ENOSF1: variants seen among roughly 807,000 people sequenced by gnomAD.
The protein encoded by ENOSF1 is mitochondrial enolase superfamily member 1.
A neutral mutation model predicts 68.2 loss-of-function variants in ENOSF1; 73 were observed. The observed-to-expected ratio is 1.07, with a 90% confidence interval of 0.89 to 1.30. The LOEUF (loss-of-function observed/expected upper bound fraction) is 1.30, where lower values mean the gene tolerates loss of function less well. Ranked by LOEUF, ENOSF1 falls within the 50% of genes most tolerant of loss-of-function variation. The pLI, the probability that ENOSF1 is intolerant of heterozygous loss-of-function variation, is 0.00. For missense variants in ENOSF1, 589 were observed against 554.5 expected, an observed-to-expected ratio of 1.06 and a Z score of -0.62; for synonymous variants, 223 against 210.4, an observed-to-expected ratio of 1.06 and a Z score of -0.52.
intron 3 of ENOSF1, among the ~76,000 whole-genome samples, chr18:695,046 A>G (rs911696737): frequency 6.6e-6 from 1 of 152,236 alleles, no homozygotes; most frequent in Non-Finnish European, 1.5e-5. Flanking sequence ...AGGCCAGTCC[A>G]TAATCAAATG....
At chr18:680,550 C>T (rs964458063) in intron 11 of ENOSF1, among the ~76,000 whole-genome samples, 2 of 152,088 alleles carry the variant, frequency 1.3e-5, no homozygotes, top group African/African-American at 2.4e-5. Context: ...AAAGCCTCCT[C>T]GCTCCCATCC....
At chr18:710,031 TTAGA>T (rs1468809035) in intron 1 of ENOSF1, among the ~76,000 whole-genome samples, 1 of 152,186 alleles carries the variant, frequency 6.6e-6, no homozygotes, top group Non-Finnish European at 1.5e-5. Context: ...AATACAGGTG[TTAGA>T]TAATGTCTCC....
Position 712,589 on chromosome 18 carries a change from G to T in ENOSF1, c.-2C>A. 7.0e-7 allele frequency: 1 copy of T among 1,435,884 alleles called. No homozygotes were observed. The highest frequency in any genetic ancestry group is 9.2e-7 in the Non-Finnish European group (1 of 1,085,622). The allele number at this position is 1,435,884 out of a possible 1,614,324, so 88.9% of individuals were successfully genotyped here. The stretch of plus-strand genomic sequence containing the variant: ...CCGGGAGATCCTGCCGCGCACCATG[G>T]CCCCTGCGCCCCGTGGCCGCGGCCC... On this transcript the variant is annotated 5_prime_UTR_variant, in exon 1 of 16. Coordinates refer to ENST00000647584, the MANE Select transcript of ENOSF1 (RefSeq NM_017512.7).
rs771017553 is a variant in ENOSF1, at chr18:697,233, C to G, written c.309+7G>C. 2.5e-6 allele frequency: 4 copies of G among 1,603,730 alleles called. No individual in the cohort carries two copies. The highest frequency in any genetic ancestry group is 2.6e-6 in the Non-Finnish European group (3 of 1,170,676). ...TATGTAAGCATTTTACAAAATAGGT[C>G]CCTTACCCATCTGAGCTGCCCATCA... On this transcript the variant is annotated splice_region_variant and intron_variant, in intron 3 of 15. Coordinates refer to ENST00000647584, the MANE Select transcript of ENOSF1 (RefSeq NM_017512.7).
intron 3 of ENOSF1, among the ~76,000 whole-genome samples, chr18:696,164 T>G (rs961361908): frequency 2.0e-5 from 3 of 151,860 alleles, no homozygotes; most frequent in African/African-American, 7.3e-5. Context: ...TGCTCTTCTC[T>G]TAATGTTTTC....
chr18:684,570 C>G (rs115746829), intron 10 of ENOSF1, among the ~76,000 whole-genome samples: 3 of 151,952 alleles, frequency 2.0e-5, no homozygotes, highest in Non-Finnish European at 4.4e-5. Flanking sequence ...TTCATATTAA[C>G]CCATTTTACA....
chr18:675,380 G>A lies in ENOSF1; in HGVS notation c.1171C>T (p.Leu391=), dbSNP rs546527751. 6.2e-7 allele frequency: 1 copy of A among 1,613,124 alleles called. No homozygotes were observed. The highest frequency in any genetic ancestry group is 1.7e-5 in the Admixed American group (1 of 59,870). ...ENRVCEYVDH[L]HEHFKYPVMI... is the part of the protein sequence containing the mutation. ...ACGGGATACTTGAAATGCTCATGCA[G>A]GTGGTCAACATACTCACACACCCTA... Residue 391 remains leucine (L), a synonymous_variant, in exon 15 of 16, where the codon CTG becomes TTG. Transcript: ENST00000647584.
At chr18:675,932 G>A (rs1043277159) in intron 14 of ENOSF1, among the ~76,000 whole-genome samples, 1 of 152,016 alleles carries the variant, frequency 6.6e-6, no homozygotes, top group East Asian at 1.9e-4. Flanking sequence ...AAAACAATCC[G>A]AACAGGTCCA....
rs2075056249 is a variant in ENOSF1, at chr18:671,650, G to A, written c.*2655C>T. On this transcript the variant is annotated 3_prime_UTR_variant, in exon 16 of 16. Transcript: ENST00000647584. ...CTCAGCAACCATGGGCACTTAACAT[G>A]TCAGGTGCTGTGAGGTACTAAGCAC... The A allele has an allele frequency of 1.7e-6, 1 of 598,504 alleles. No individual in the cohort carries two copies. Among genetic ancestry groups the A allele is most frequent in the South Asian group, 2.0e-5 (1 of 49,062 alleles). 37.1% of individuals were successfully genotyped at this position (598,504 alleles called of 1,614,324 possible).
At chr18:667,131 AGATGGTGATGGTGATGGTGATGGT>A (rs1179372941), downstream of ENOSF1, among the ~76,000 whole-genome samples, 1 of 34,742 alleles carries the variant, frequency 2.9e-5, no homozygotes, top group Non-Finnish European at 4.8e-5. Context: ...ATGGTGATGG[AGATGGTGATGGTGATGGTGATGGT>A]GATGGAGATG....
In ENOSF1 at chr18:671,483, G is replaced by C; in HGVS notation, c.*2822C>G. The C allele has an allele frequency of 6.4e-6, 9 of 1,415,526 alleles. No individual in the cohort carries two copies. Among genetic ancestry groups the C allele is most frequent in the Non-Finnish European group, 9.0e-6 (9 of 999,994 alleles). The allele number at this position is 1,415,526 out of a possible 1,614,324, so 87.7% of individuals were successfully genotyped here. A position where few individuals can be genotyped will look rare whatever the true frequency, so the allele number is the denominator to read the frequency against. On this transcript the variant is annotated 3_prime_UTR_variant, in exon 16 of 16. Transcript: ENST00000647584. ...ATTAGATGTTATACTTTTGGGTTTGGTACCTTCTCTTGATAAAAGGTTGAC... is the reference window on the plus strand; with the variant it reads ...ATTAGATGTTATACTTTTGGGTTTGCTACCTTCTCTTGATAAAAGGTTGAC...
Position 689,748 on chromosome 18 carries a change from CTGAG to C in ENOSF1, c.618+797_618+800del, listed in dbSNP as rs5822574. Among the ~76,000 whole-genome samples the C allele has an allele frequency of 8.2e-3, 1,249 of 152,286 alleles. 12 individuals carry two copies. Among genetic ancestry groups the C allele is most frequent in the African/African-American group, 0.026 (1,101 of 41,554 alleles). ...CAGCCCCTAAAACCCTTGGCATCTC[CTGAG>C]TGATAGGAGTGTCTTTTGTACGTGA... On this transcript the variant is annotated intron_variant, in intron 8 of 15. Coordinates refer to ENST00000647584, the MANE Select transcript of ENOSF1 (RefSeq NM_017512.7).
rs182702913 is a variant in ENOSF1 at position 686,204 on chromosome 18, C to A, written c.654-196G>T. The A allele has an allele frequency of 1.9e-4, 103 of 540,574 alleles. 1 individual carries two copies. In the East Asian group the frequency reaches 2.9e-3, roughly 15 times the overall value. The allele number at this position is 540,574 out of a possible 1,614,324, so 33.5% of individuals were successfully genotyped here. On this transcript the variant is annotated intron_variant, in intron 9 of 15. Coordinates refer to ENST00000647584, the MANE Select transcript of ENOSF1 (RefSeq NM_017512.7). ...TTTATCTCTTCATTCAGTATCAGGG[C>A]AATGACTCTCAATTATCTGCTGACC...
chr18:708,668 T>C (rs568402524), intron 1 of ENOSF1, among the ~76,000 whole-genome samples: 1 of 152,098 alleles, frequency 6.6e-6, no homozygotes, highest in Non-Finnish European at 1.5e-5. Flanking sequence ...GAAGACAGAA[T>C]GTGAGCTGGC....
At chr18:683,175 A>G in intron 11 of ENOSF1, 71 bp downstream of exon 11, 17 of 1,567,254 alleles carry the variant, frequency 1.1e-5, no homozygotes, top group Non-Finnish European at 1.5e-5. Flanking sequence ...AAATTTTAGG[A>G]TCTGTCCCCA....
At chr18:707,315 A>C (rs866477093) in intron 1 of ENOSF1, among the ~76,000 whole-genome samples, 5 of 152,314 alleles carry the variant, frequency 3.3e-5, no homozygotes, top group Middle Eastern at 3.4e-3. Context: ...ATGAGCCATC[A>C]TGCCCGGAAG....
At chr18:668,747 A>G (rs1325066274), downstream of ENOSF1, among the ~76,000 whole-genome samples, 1 of 152,244 alleles carries the variant, frequency 6.6e-6, no homozygotes, top group Non-Finnish European at 1.5e-5. Context: ...GAGCACTGGA[A>G]GAAATTAAGA....
intron 2 of ENOSF1, among the ~76,000 whole-genome samples, chr18:700,552 G>C (rs2078228476): frequency 6.6e-6 from 1 of 152,094 alleles, no homozygotes. Context: ...GATTTTTCTT[G>C]CTCAACAGGA....
chr18:677,433 G>A lies in ENOSF1; in HGVS notation c.1060C>T (p.Pro354Ser). The change falls in exon 14 of 16, where the codon CCC becomes TCC. Residue 354 changes from proline (P) to serine (S), a missense_variant. Transcript: ENST00000647584. ...CAGAGGCCAACTCCACCAGCATGGG[G>A]GCAAACAGGAACTAAAAGGAAATCG... ...MAKKFEIPVC[P>S]HAGGVGLCEL... is the part of the protein sequence containing the mutation. The A allele has an allele frequency of 6.2e-7, 1 of 1,612,758 alleles. No individual in the cohort carries two copies. The highest frequency in any genetic ancestry group is 1.1e-5 in the South Asian group (1 of 90,820).
Sources: gnomAD v4.1 joint callset for allele counts (sites outside exome capture counted in the v4.1 genomes callset) on GRCh38, gnomAD v4.1.1 for gene constraint, MANE v1.5 for transcripts, NCBI Gene and HGNC (gene_info 2026-07-23, HGNC 2026-07-21) for gene names.